Variants in CNIH3 observed in about 807,000 individuals in gnomAD.
CNIH3 encodes the protein cornichon family AMPA receptor auxiliary protein 3, also known as protein cornichon homolog 3.
In CNIH3, 14 loss-of-function variants were observed where a neutral mutation model predicts 24.1. That is an observed-to-expected ratio of 0.58 (90% CI 0.38 to 0.91). The LOEUF (loss-of-function observed/expected upper bound fraction) is 0.91. CNIH3 is among the 40% of genes least tolerant of loss of function. The probability of loss-of-function intolerance (pLI) is 0.00; values close to 1 mark genes in which losing one functional copy is unlikely to be tolerated. For synonymous variants in CNIH3, 68 were observed against 73.8 expected (o/e 0.92, Z 0.40); for missense variants, 178 against 196.8 (o/e 0.90, Z 0.57).
At chr1:224,516,880 A>C (rs2648743) in intron 1 of CNIH3, among the ~76,000 whole-genome samples, 44,680 of 150,228 alleles carry the variant, frequency 0.3, 8,658 homozygotes, top group African/African-American at 0.56. Flanking sequence ...TCCTGGCCCC[A>C]CTCTTGTTTT....
intron 3 of CNIH3, among the ~76,000 whole-genome samples, chr1:224,605,278 T>C (rs1170220560): frequency 1.3e-5 from 2 of 152,224 alleles, no homozygotes; most frequent in Non-Finnish European, 2.9e-5. Flanking sequence ...CCTATCTGCC[T>C]TGGCATTTGG....
At chr1:224,452,781 C>CAAAA (rs1173499027) in intron 1 of CNIH3, among the ~76,000 whole-genome samples, 1 of 44,294 alleles carries the variant, frequency 2.3e-5, no homozygotes, top group Non-Finnish European at 4.1e-5. Flanking sequence ...AACTCTGTCT[C>CAAAA]AAAAAAAAAA....
chr1:224,700,548 C>T (rs1273857797), intron 3 of CNIH3, among the ~76,000 whole-genome samples: 1 of 152,170 alleles, frequency 6.6e-6, no homozygotes, highest in Non-Finnish European at 1.5e-5. Context: ...TTTCCTAGCA[C>T]TTTCTCATTA....
intron 4 of CNIH3, among the ~76,000 whole-genome samples, chr1:224,567,636 G>A (rs1243010266): frequency 2.0e-5 from 3 of 152,280 alleles, no homozygotes; most frequent in East Asian, 1.9e-4. Context: ...GCACCCAAAC[G>A]AGAGAGTGTG....
chr1:224,696,529 A>G (rs1254367086), intron 3 of CNIH3, among the ~76,000 whole-genome samples: 5 of 152,162 alleles, frequency 3.3e-5, no homozygotes, highest in African/African-American at 1.2e-4. Flanking sequence ...ACTCTGGAAA[A>G]CTAAGGGCAG....
At chr1:224,674,882 G>T (rs879891880) in intron 1 of CNIH3, among the ~76,000 whole-genome samples, 8 of 151,972 alleles carry the variant, frequency 5.3e-5, no homozygotes, top group African/African-American at 1.9e-4. Context: ...GATATAACTT[G>T]ATCCTTCTCT....
chr1:224,454,307 A>G, intron 1 of CNIH3: 1 of 960,956 alleles, frequency 1.0e-6, no homozygotes, highest in Non-Finnish European at 1.2e-6. Flanking sequence ...CTTCCACTCT[A>G]TCAACTAATA....
Position 224,699,976 on chromosome 1 carries a change from C to A in CNIH3, c.198+15133C>A, listed in dbSNP as rs6426151. 4.5e-3 allele frequency among the ~76,000 whole-genome samples: 687 copies of A among 152,128 alleles called. 2 individuals carry two copies. The highest frequency in any genetic ancestry group is 7.7e-3 in the Non-Finnish European group (522 of 67,988). On this transcript the variant is annotated intron_variant, in intron 3 of 5. Transcript: ENST00000272133. ...CCTGCCCTGCTTCCACTGGGCCCTG[C>A]GGTTATCTTGTCTGGCCCACCGCCT...
At position 224,734,661 on chromosome 1, in the gene CNIH3, G is replaced by A; in HGVS notation, c.410G>A (p.Cys137Tyr). ...AGTTACTGTCAGAAGGAGGCCTGGT[G>A]TAAGCTGGCCTTCTATCTCCTCTCC... Reference protein sequence around the residue: ...TLSYCQKEAWCKLAFYLLSFF... With the variant: ...TLSYCQKEAWYKLAFYLLSFF... Residue 137 changes from cysteine (C) to tyrosine (Y), a missense_variant, in exon 5 of 6, where the codon TGT becomes TAT. Coordinates refer to ENST00000272133, the MANE Select transcript of CNIH3 (RefSeq NM_152495.2). 6.2e-7 allele frequency: 1 copy of A among 1,614,122 alleles called. No homozygotes were observed. The highest frequency in any genetic ancestry group is 8.5e-7 in the Non-Finnish European group (1 of 1,179,950).
At chr1:224,472,976 A>G (rs1452856482) in intron 1 of CNIH3, among the ~76,000 whole-genome samples, 1 of 152,118 alleles carries the variant, frequency 6.6e-6, no homozygotes. Context: ...TTGCTGGGCT[A>G]TGTGAAATTA....
At chr1:224,463,948 A>G (rs1676050444) in intron 1 of CNIH3, among the ~76,000 whole-genome samples, 1 of 150,098 alleles carries the variant, frequency 6.7e-6, no homozygotes, top group Non-Finnish European at 1.5e-5. Context: ...ATGCCACCAC[A>G]CCTGGCTAAT....
At chr1:224,726,407 G>C (rs1689024804) in intron 3 of CNIH3, among the ~76,000 whole-genome samples, 1 of 152,194 alleles carries the variant, frequency 6.6e-6, no homozygotes. Context: ...GGGATATCCA[G>C]GTGGAAATGT....
intron 3 of CNIH3, among the ~76,000 whole-genome samples, chr1:224,685,132 G>A (rs967957419): frequency 6.6e-6 from 1 of 152,214 alleles, no homozygotes; most frequent in African/African-American, 2.4e-5. Flanking sequence ...CATGATGATG[G>A]ATGGCATTTC....
At chr1:224,634,573 CAA>C (rs907406125) in intron 1 of CNIH3, among the ~76,000 whole-genome samples, 2 of 110,944 alleles carry the variant, frequency 1.8e-5, no homozygotes, top group African/African-American at 4.0e-5. Context: ...ACTCTGTCTC[CAA>C]AAAAAAAAAT....
chr1:224,649,334 G>A (rs59190201), intron 1 of CNIH3, among the ~76,000 whole-genome samples: 279 of 152,252 alleles, frequency 1.8e-3, no homozygotes, highest in Middle Eastern at 0.01. Context: ...CAAGGAAATG[G>A]CTTCTGCCCT....
At chr1:224,582,734 C>T (rs1197261988) in intron 4 of CNIH3, among the ~76,000 whole-genome samples, 5 of 152,124 alleles carry the variant, frequency 3.3e-5, no homozygotes, top group African/African-American at 1.2e-4. Flanking sequence ...TGAGACCTGC[C>T]ATATGGAGGA....
At chr1:224,593,138 CTCT>C (rs1457883158), downstream of CNIH3, among the ~76,000 whole-genome samples, 2 of 151,600 alleles carry the variant, frequency 1.3e-5, no homozygotes, top group Non-Finnish European at 2.9e-5. Flanking sequence ...ATGTTACTTC[CTCT>C]TCTTTTTTTT....
intron 2 of CNIH3, among the ~76,000 whole-genome samples, chr1:224,525,865 G>C (rs1024552953): frequency 6.6e-6 from 1 of 152,116 alleles, no homozygotes; most frequent in African/African-American, 2.4e-5. Flanking sequence ...AGGCAGAAGA[G>C]CCAGGAGACA....
intron 3 of CNIH3, among the ~76,000 whole-genome samples, chr1:224,709,930 T>C (rs181126504): frequency 3.3e-5 from 5 of 152,324 alleles, no homozygotes; most frequent in Non-Finnish European, 7.4e-5. Context: ...TATCCATACA[T>C]ATCTATGATA....
Sources: allele counts gnomAD v4.1 joint callset (sites outside exome capture counted in the v4.1 genomes callset), GRCh38; gene constraint gnomAD v4.1.1; transcripts MANE v1.5; gene names NCBI Gene and HGNC (gene_info 2026-07-23, HGNC 2026-07-21).